The following TBC1D1 variants were observed in gnomAD, a reference collection of about 807,000 sequenced individuals.
The protein encoded by TBC1D1 is TBC1 domain family member 1.
Under a neutral mutation model 125.6 loss-of-function variants are expected in TBC1D1, and 89 were observed. That is an observed-to-expected ratio of 0.71 (90% CI 0.60 to 0.85). The LOEUF is 0.85. TBC1D1 is among the 40% of genes least tolerant of loss of function. The probability of loss-of-function intolerance (pLI) is 0.00; values close to 1 mark genes in which losing one functional copy is unlikely to be tolerated. For missense variants in TBC1D1, 1,377 were observed against 1,469.2 expected (o/e 0.94, Z 1.03); for synonymous variants, 565 against 564.1 (o/e 1.00, Z -0.02).
intron 11 of TBC1D1, chr4:38,052,002 T>G: frequency 6.4e-7 from 1 of 1,551,076 alleles, no homozygotes; most frequent in Non-Finnish European, 8.7e-7. Context: ...GCCAAACTTT[T>G]TTAAGTACCT....
At chr4:38,006,985 G>A (rs141395063) in intron 2 of TBC1D1, 13 of 429,652 alleles carry the variant, frequency 3.0e-5, no homozygotes, top group South Asian at 2.5e-4. Context: ...TTGGCCAAGG[G>A]TGGTTCACTA....
intron 2 of TBC1D1, among the ~76,000 whole-genome samples, chr4:38,003,418 G>A (rs977041182): frequency 6.6e-6 from 1 of 152,160 alleles, no homozygotes; most frequent in African/African-American, 2.4e-5. Context: ...GGAGAGTTTT[G>A]TTGCCTACAG....
chr4:38,054,985 C>T (rs1029700747), intron 12 of TBC1D1: 1 of 152,264 alleles, frequency 6.6e-6, no homozygotes, highest in Non-Finnish European at 1.5e-5. Context: ...TCCAGTCTAG[C>T]ATTCCTAGAG....
Position 38,021,569 on chromosome 4 carries a change from C to A in TBC1D1, c.1078-17C>A. 1 of 1,506,312 alleles carries A rather than the reference C, an allele frequency of 6.6e-7. No individual in the cohort carries two copies. Among genetic ancestry groups the A allele is most frequent in the Non-Finnish European group, 8.9e-7 (1 of 1,126,460 alleles). The allele number at this position is 1,506,312 out of a possible 1,614,324, so 93.3% of individuals were successfully genotyped here. ...ATTGACTTTTTGGTGACTACAACTT[C>A]TCTTCTCTTTGATTAGGTTGATGAA... is the stretch of plus-strand genomic sequence containing the variant. On this transcript the variant is annotated splice_polypyrimidine_tract_variant and intron_variant, in intron 5 of 19. Coordinates refer to ENST00000261439, the MANE Select transcript of TBC1D1 (RefSeq NM_015173.4).
chr4:37,961,263 A>G, intron 2 of TBC1D1: 1 of 597,102 alleles, frequency 1.7e-6, no homozygotes, highest in East Asian at 3.1e-5. Context: ...GACAGGAAAT[A>G]GCAAAGGATA....
At chr4:38,048,204 C>G (rs2152475982) in intron 10 of TBC1D1, among the ~76,000 whole-genome samples, 1 of 152,174 alleles carries the variant, frequency 6.6e-6, no homozygotes, top group Middle Eastern at 3.4e-3. Context: ...AATTGATCAC[C>G]TAGGAGTTGC....
In TBC1D1 at chr4:38,089,976, C is replaced by T. The variant is rs778386844; in HGVS notation, c.2095C>T (p.Pro699Ser). The change falls in exon 13 of 20, where the codon CCA (proline) becomes TCA (serine). Residue 699 changes from proline (P) to serine (S), a missense_variant. Coordinates refer to ENST00000261439, the MANE Select transcript of TBC1D1 (RefSeq NM_015173.4). ...GCTTCCCCCACGATCTCCTTTAGAA[C>T]CAGTTTGTGAAGATGGGCCCTTTGG... The T allele has an allele frequency of 1.2e-6, 2 of 1,613,354 alleles. No homozygotes were observed. Among genetic ancestry groups the T allele is most frequent in the African/African-American group, 1.3e-5 (1 of 74,832 alleles).
intron 1 of TBC1D1, among the ~76,000 whole-genome samples, chr4:37,899,734 G>A (rs1342834905): frequency 6.6e-6 from 1 of 152,198 alleles, no homozygotes; most frequent in African/African-American, 2.4e-5. Flanking sequence ...TGAAATGAGG[G>A]GAGAGGATGA....
chr4:38,049,847 G>A lies in TBC1D1; in HGVS notation c.1859G>A (p.Arg620Lys), dbSNP rs774071076. ...CGGGGGTCCCCGGGGGTTTCGCAAAGGAAACTTATGAGGTATCACTCAGTG... is the reference window on the plus strand; with the variant it reads ...CGGGGGTCCCCGGGGGTTTCGCAAAAGAAACTTATGAGGTATCACTCAGTG... Residue 620 changes from arginine (R) to lysine (K), a missense_variant, in exon 11 of 20, where the codon AGG (arginine) becomes AAG (lysine). Coordinates refer to ENST00000261439, the MANE Select transcript of TBC1D1 (RefSeq NM_015173.4). 6.2e-7 allele frequency: 1 copy of A among 1,614,084 alleles called. No individual in the cohort carries two copies. Among genetic ancestry groups the A allele is most frequent in the Admixed American group, 1.7e-5 (1 of 60,020 alleles).
intron 2 of TBC1D1, among the ~76,000 whole-genome samples, chr4:37,927,883 T>C (rs1722448252): frequency 6.6e-6 from 1 of 152,188 alleles, no homozygotes; most frequent in Non-Finnish European, 1.5e-5. Context: ...CCGCACTCCA[T>C]CCTGGGCAAC....
At chr4:38,134,369 C>T (rs1031083642) in intron 19 of TBC1D1, among the ~76,000 whole-genome samples, 1 of 151,332 alleles carries the variant, frequency 6.6e-6, no homozygotes, top group Non-Finnish European at 1.5e-5. Flanking sequence ...CTGCCCAGCC[C>T]TAATAACCAC....
At chr4:38,093,864 G>C (rs1460285768) in intron 13 of TBC1D1, among the ~76,000 whole-genome samples, 1 of 152,068 alleles carries the variant, frequency 6.6e-6, no homozygotes, top group Non-Finnish European at 1.5e-5. Flanking sequence ...GAAGATGTGA[G>C]CAGCCTAATG....
At chr4:38,102,587 A>G (rs1237832315) in intron 14 of TBC1D1, among the ~76,000 whole-genome samples, 1 of 152,106 alleles carries the variant, frequency 6.6e-6, no homozygotes, top group Non-Finnish European at 1.5e-5. Flanking sequence ...TTAATTAATA[A>G]TGGAACCAGT....
Position 38,095,916 on chromosome 4 carries a change from T to C in TBC1D1, c.2237-13T>C. 2 of 1,606,860 alleles carry C rather than the reference T, an allele frequency of 1.2e-6. No homozygotes were observed. The highest frequency in any genetic ancestry group is 8.5e-7 in the Non-Finnish European group (1 of 1,177,148). ...TAGCCTTTACTAATGCGCTCTGGAA[T>C]GGTCTATTCCAGCCTCTGAAAATGA... On this transcript the variant is annotated splice_polypyrimidine_tract_variant and intron_variant, in intron 13 of 19. Coordinates refer to ENST00000261439, the MANE Select transcript of TBC1D1 (RefSeq NM_015173.4).
chr4:38,116,606 G>A (rs1021915325), intron 16 of TBC1D1, among the ~76,000 whole-genome samples: 1 of 152,190 alleles, frequency 6.6e-6, no homozygotes, highest in African/African-American at 2.4e-5. Flanking sequence ...CGAGTTCCTA[G>A]TTTCTGAAAC....
chr4:37,904,491 A>G (rs1178741247), intron 2 of TBC1D1, among the ~76,000 whole-genome samples: 1 of 152,198 alleles, frequency 6.6e-6, no homozygotes, highest in Non-Finnish European at 1.5e-5. Flanking sequence ...ATCGTTGTTC[A>G]GCATTTTACA....
rs1733125659 is a variant in TBC1D1, at chr4:37,976,593, T to G, written c.418-37916T>G. On this transcript the variant is annotated intron_variant, in intron 2 of 19. Transcript: ENST00000261439. ...GGGTTGGCCATTTGGCCTGAGGAAC[T>G]CAGTGAGTGGTTCCACCTGACACAT... Among the ~76,000 whole-genome samples, 4 of 152,102 alleles carry G rather than the reference T, an allele frequency of 2.6e-5. No individual in the cohort carries two copies. The South Asian group carries it at 8.3e-4, about 32-fold the overall frequency.
intron 12 of TBC1D1, among the ~76,000 whole-genome samples, chr4:38,078,726 C>T (rs1269331349): frequency 1.3e-5 from 2 of 152,172 alleles, no homozygotes; most frequent in African/African-American, 4.8e-5. Context: ...TTGGACTTCC[C>T]CTCCAGAACT....
intron 1 of TBC1D1, among the ~76,000 whole-genome samples, chr4:37,898,100 T>C (rs1178025575): frequency 6.6e-6 from 1 of 152,230 alleles, no homozygotes; most frequent in African/African-American, 2.4e-5. Flanking sequence ...ATATATATTA[T>C]ACAGAAAAAC....
Sources: allele counts gnomAD v4.1 joint callset (sites outside exome capture counted in the v4.1 genomes callset), GRCh38; gene constraint gnomAD v4.1.1; transcripts MANE v1.5; gene names NCBI Gene and HGNC (gene_info 2026-07-23, HGNC 2026-07-21).